Variants in CDKL5 observed in about 807,000 individuals in gnomAD.
CDKL5 encodes the protein cyclin dependent kinase like 5.
A neutral mutation model predicts 61.7 loss-of-function variants in CDKL5; 8 were observed. The observed-to-expected ratio is 0.13, with a 90% CI of 0.08 to 0.23. The LOEUF (loss-of-function observed/expected upper bound fraction) is 0.23. Among genes scored for constraint, CDKL5 ranks in the 10% least tolerant of loss-of-function variants. The pLI is 1.00. For missense variants in CDKL5, 440 were observed against 734.5 expected (o/e 0.60, Z 4.63); for synonymous variants, 275 against 272.3 (o/e 1.01, Z -0.10).
intron 3 of CDKL5, among the ~76,000 whole-genome samples, chrX:18,558,438 G>A (rs953561563): frequency 8.1e-5 from 9 of 111,453 alleles, no homozygotes; most frequent in East Asian, 2.8e-4. Context: ...TCGCATCTCA[G>A]GGTGGTGGTA....
In CDKL5 at chrX:18,630,380, T is replaced by C; in HGVS notation, c.*1623T>C. The C allele has an allele frequency of 1.3e-6, 1 of 753,206 alleles. No homozygotes were observed. Among genetic ancestry groups the C allele is most frequent in the Non-Finnish European group, 1.6e-6 (1 of 638,576 alleles). The allele number at this position is 753,206 out of a possible 1,213,427, so 62.1% of individuals were successfully genotyped here. ...TAGTAGTAGATTTTTGGAATTAGTC[T>C]CTGAGCAATAATACTTTTAAAGGTC... On this transcript the variant is annotated 3_prime_UTR_variant, in exon 18 of 18. Coordinates refer to ENST00000623535, the MANE Select transcript of CDKL5 (RefSeq NM_001323289.2).
At chrX:18,653,567 C>T (rs1047304798) in exon 22 of CDKL5, 1 of 1,204,741 alleles carries the variant, frequency 8.3e-7, no homozygotes, top group Non-Finnish European at 1.1e-6. Flanking sequence ...TGCGGCTGGT[C>T]CCAATGCCCT....
chrX:18,479,847 T>C (rs1259790717), intron 1 of CDKL5, among the ~76,000 whole-genome samples: 1 of 111,946 alleles, frequency 8.9e-6, no homozygotes, highest in African/African-American at 3.2e-5. Context: ...AGTCTTCAAG[T>C]TCACTGATTC....
chrX:18,564,458 T>C lies in CDKL5; in HGVS notation c.100-19T>C. The C allele has an allele frequency of 1.7e-6, 2 of 1,161,863 alleles. No individual in the cohort carries two copies. The highest frequency in any genetic ancestry group is 2.3e-6 in the Non-Finnish European group (2 of 854,819). Reference sequence around the variant, plus strand: ...AAACACTGGAGAATGACTTTCCTTCTGCTTCTTTTCCCTTGCAGGAAACAC... The same window carrying C: ...AAACACTGGAGAATGACTTTCCTTCCGCTTCTTTTCCCTTGCAGGAAACAC... On this transcript the variant is annotated intron_variant, in intron 3 of 17. Transcript: ENST00000623535.
chrX:18,530,335 CAA>C (rs985283133), intron 3 of CDKL5, among the ~76,000 whole-genome samples: 9 of 47,560 alleles, frequency 1.9e-4, no homozygotes, highest in Non-Finnish European at 2.0e-4. Context: ...GGCTCCGTCT[CAA>C]AAAAAAAAAA....
intron 1 of CDKL5, among the ~76,000 whole-genome samples, chrX:18,502,889 A>G (rs2039563228): frequency 9.0e-6 from 1 of 111,643 alleles, no homozygotes; most frequent in African/African-American, 3.3e-5. Flanking sequence ...TACTTGTAGT[A>G]GGAGGGTGTT....
At chrX:18,435,631 A>T (rs780704790) in intron 1 of CDKL5, among the ~76,000 whole-genome samples, 4 of 111,274 alleles carry the variant, frequency 3.6e-5, no homozygotes, top group Non-Finnish European at 5.6e-5. Context: ...CAGTGGTGCG[A>T]TCTTGGCTCA....
chrX:18,509,197 G>GCACACGCACACACACA (rs1555940192), intron 2 of CDKL5, among the ~76,000 whole-genome samples: 1 of 64,314 alleles, frequency 1.6e-5, no homozygotes, highest in African/African-American at 5.9e-5. Flanking sequence ...CTCAAAACAC[G>GCACACGCACACACACA]CACACACACA....
At chrX:18,445,586 T>C (rs1478468853) in intron 1 of CDKL5, among the ~76,000 whole-genome samples, 2 of 111,547 alleles carry the variant, frequency 1.8e-5, no homozygotes, top group African/African-American at 6.5e-5. Flanking sequence ...TCCCCACATG[T>C]CAAGGGGAGG....
Position 18,631,225 on chromosome X carries a change from A to T in CDKL5, c.*2468A>T, listed in dbSNP as rs1927227506. The T allele has an allele frequency of 9.3e-6, 7 of 750,882 alleles. No individual in the cohort carries two copies. Among genetic ancestry groups the T allele is most frequent in the Non-Finnish European group, 7.8e-6 (5 of 637,594 alleles). 61.9% of individuals were successfully genotyped at this position (750,882 alleles called of 1,213,427 possible). On this transcript the variant is annotated 3_prime_UTR_variant, in exon 18 of 18. Transcript: ENST00000623535. Reference sequence around the variant, plus strand: ...AGCAAAGTAAACCTAATTGTTGAAGAGTCAATACGTACTTTTTGTACTTTC... The same window carrying T: ...AGCAAAGTAAACCTAATTGTTGAAGTGTCAATACGTACTTTTTGTACTTTC...
intron 10 of CDKL5, among the ~76,000 whole-genome samples, chrX:18,596,236 C>T (rs1265280299): frequency 9.0e-6 from 1 of 110,694 alleles, no homozygotes; most frequent in Admixed American, 9.7e-5. Context: ...TTAGCACAGT[C>T]GGAAATTTCT....
chrX:18,559,731 C>T (rs890953457), intron 3 of CDKL5, among the ~76,000 whole-genome samples: 4 of 105,295 alleles, frequency 3.8e-5, no homozygotes, highest in Non-Finnish European at 7.8e-5. Context: ...GTGCTGCGCC[C>T]ATTAACTCGT....
intron 20 of CDKL5, among the ~76,000 whole-genome samples, chrX:18,649,382 A>G (rs1262484396): frequency 8.9e-6 from 1 of 111,742 alleles, no homozygotes; most frequent in Non-Finnish European, 1.9e-5. Flanking sequence ...ATGAATGATA[A>G]ACTGCAATTA....
intron 1 of CDKL5, among the ~76,000 whole-genome samples, chrX:18,443,073 A>C (rs1931790704): frequency 8.9e-6 from 1 of 111,862 alleles, no homozygotes; most frequent in Admixed American, 9.6e-5. Context: ...AAAAATAGTG[A>C]ATATTTACTC....
intron 5 of CDKL5, among the ~76,000 whole-genome samples, chrX:18,578,919 A>G (rs1442712962): frequency 8.9e-6 from 1 of 112,642 alleles, no homozygotes; most frequent in Non-Finnish European, 1.9e-5. Flanking sequence ...ATTGGATTAA[A>G]GAATCCAATG....
At chrX:18,579,990 T>C (rs753999248) in intron 6 of CDKL5, 22 bp downstream of exon 6, 1 of 1,142,250 alleles carries the variant, frequency 8.8e-7, no homozygotes. Context: ...ATTTTTAAAA[T>C]GGAAAATATT....
intron 1 of CDKL5, among the ~76,000 whole-genome samples, chrX:18,433,193 A>C: frequency 9.4e-6 from 1 of 106,667 alleles, no homozygotes; most frequent in South Asian, 4.2e-4. Context: ...GTATCACTGC[A>C]CTCCAGCCTG....
intron 16 of CDKL5, 63 bp downstream of exon 16, chrX:18,620,029 A>G: frequency 1.5e-6 from 1 of 686,612 alleles, no homozygotes; most frequent in South Asian, 2.5e-5. Flanking sequence ...TGGATACTTT[A>G]CACTTTGCAC....
intron 3 of CDKL5, among the ~76,000 whole-genome samples, chrX:18,534,585 A>G (rs1004181520): frequency 8.9e-6 from 1 of 112,145 alleles, no homozygotes; most frequent in Non-Finnish European, 1.9e-5. Context: ...CCTGGCACCT[A>G]GGAGGCTCTA....
Sources: gnomAD v4.1 joint callset for allele counts (sites outside exome capture counted in the v4.1 genomes callset) on GRCh38, gnomAD v4.1.1 for gene constraint, MANE v1.5 for transcripts, NCBI Gene and HGNC (gene_info 2026-07-23, HGNC 2026-07-21) for gene names.